Variants in FAM184B observed in about 807,000 individuals in gnomAD.
FAM184B encodes the protein protein FAM184B.
FAM184B carries 111 observed loss-of-function variants against 135.9 expected under a neutral mutation model. The ratio of observed to expected loss-of-function variants is 0.82; its 90% CI spans 0.70 to 0.96. The LOEUF (loss-of-function observed/expected upper bound fraction) is 0.96. FAM184B is among the 40% of genes least tolerant of loss of function. FAM184B has a pLI of 0.00. For missense variants in FAM184B, 1,375 were observed against 1,323.9 expected (o/e 1.04, Z -0.60); for synonymous variants, 552 against 524.8 (o/e 1.05, Z -0.71).
intron 1 of FAM184B, among the ~76,000 whole-genome samples, chr4:17,714,885 C>T (rs945793701): frequency 2.0e-5 from 3 of 152,052 alleles, no homozygotes; most frequent in African/African-American, 4.8e-5. Flanking sequence ...CAACCAAAGT[C>T]CCCAAATCCA....
At chr4:17,733,702 A>G (rs1244392125) in intron 1 of FAM184B, among the ~76,000 whole-genome samples, 1 of 152,198 alleles carries the variant, frequency 6.6e-6, no homozygotes, top group African/African-American at 2.4e-5. Context: ...ATGGAAGAAC[A>G]TTCCATGCTC....
At chr4:17,639,463 T>C (rs1298105627) in intron 13 of FAM184B, 67 bp from the exon 14 acceptor site, 4 of 1,521,744 alleles carry the variant, frequency 2.6e-6, no homozygotes, top group Non-Finnish European at 3.5e-6. Flanking sequence ...GGCTCTGGGG[T>C]TTATTTCCCT....
intron 6 of FAM184B, among the ~76,000 whole-genome samples, chr4:17,693,067 C>T (rs912524865): frequency 1.3e-5 from 2 of 152,012 alleles, no homozygotes; most frequent in Admixed American, 1.3e-4. Flanking sequence ...GCCACAGAAC[C>T]AACACCAGCG....
chr4:17,639,876 T>C (rs930978839), intron 13 of FAM184B, among the ~76,000 whole-genome samples: 7 of 150,936 alleles, frequency 4.6e-5, no homozygotes, highest in Admixed American at 6.6e-5. Flanking sequence ...TTGCTCAGGG[T>C]GGAGTGCAAT....
chr4:17,642,611 CA>C (rs1404522653), intron 12 of FAM184B, among the ~76,000 whole-genome samples: 7 of 152,214 alleles, frequency 4.6e-5, no homozygotes, highest in East Asian at 1.9e-4. Context: ...CCCTACCTCT[CA>C]GGGGGAACTG....
At chr4:17,648,148 C>T (rs966910788) in intron 11 of FAM184B, among the ~76,000 whole-genome samples, 3 of 151,984 alleles carry the variant, frequency 2.0e-5, no homozygotes, top group East Asian at 1.9e-4. Context: ...CTCTGAACCC[C>T]GTGCTTGCCC....
chr4:17,732,321 G>T (rs1186242628), intron 1 of FAM184B, among the ~76,000 whole-genome samples: 1 of 152,132 alleles, frequency 6.6e-6, no homozygotes, highest in African/African-American at 2.4e-5. Flanking sequence ...CAGAAGGCAA[G>T]AAATAACTAA....
intron 14 of FAM184B, among the ~76,000 whole-genome samples, chr4:17,638,134 C>CTTTTTTTTTTTTTTTTTTTTT (rs56926847): frequency 1.1e-4 from 8 of 73,418 alleles, no homozygotes; most frequent in African/African-American, 3.2e-4. Flanking sequence ...TAACTGTTTG[C>CTTTTTTTTTTTTTTTTTTTTT]TTTTTTTTTT....
intron 16 of FAM184B, 62 bp from the exon 17 acceptor site, chr4:17,633,950 G>A: frequency 7.9e-7 from 1 of 1,268,100 alleles, no homozygotes; most frequent in Non-Finnish European, 1.0e-6. Flanking sequence ...AAGCATTATT[G>A]TAAAAGCAAA....
Position 17,709,551 on chromosome 4 carries a change from C to T in FAM184B, c.235G>A (p.Ala79Thr). ...TGCAGGAGCCTGGCCTTGGTCTCTG[C>T]CACCGCATTCTGGAGCTCCTCCTGG... ...AHQEELQNAV[A>T]ETKARLLQEQ... The change falls in exon 2 of 18, where the codon GCA (alanine) becomes ACA (threonine). Residue 79 changes from alanine to threonine, a missense_variant. Transcript: ENST00000265018. The T allele has an allele frequency of 6.4e-7, 1 of 1,550,782 alleles. No individual in the cohort carries two copies. The highest frequency in any genetic ancestry group is 8.7e-7 in the Non-Finnish European group (1 of 1,146,946).
In FAM184B at chr4:17,709,503, C is replaced by G. The variant is rs1177299555; in HGVS notation, c.283G>C (p.Glu95Gln). Reference protein sequence around the residue: ...LLQEQGCAEEEALLQRIQALE... With the variant: ...LLQEQGCAEEQALLQRIQALE... Reference sequence around the variant, plus strand: ...GCCTGGATGCGCTGTAGAAGGGCTTCCTCCTCTGCGCAGCCCTGTTCCTGC... The same window carrying G: ...GCCTGGATGCGCTGTAGAAGGGCTTGCTCCTCTGCGCAGCCCTGTTCCTGC... Residue 95 changes from glutamate to glutamine, a missense_variant, in exon 2 of 18, where the codon GAA becomes CAA. Transcript: ENST00000265018. 6.4e-7 allele frequency: 1 copy of G among 1,550,710 alleles called. No homozygotes were observed. Among genetic ancestry groups the G allele is most frequent in the South Asian group, 1.2e-5 (1 of 83,986 alleles).
intron 11 of FAM184B, among the ~76,000 whole-genome samples, chr4:17,651,914 T>C (rs1394374315): frequency 1.3e-5 from 2 of 152,086 alleles, no homozygotes; most frequent in Non-Finnish European, 2.9e-5. Flanking sequence ...CTGGGGATGA[T>C]GTGGGGGCAG....
At chr4:17,743,719 G>A (rs962761082) in intron 1 of FAM184B, among the ~76,000 whole-genome samples, 3 of 152,212 alleles carry the variant, frequency 2.0e-5, no homozygotes, top group Admixed American at 6.5e-5. Context: ...TAGAGTCTGC[G>A]TAGGGCAGTA....
chr4:17,779,985 A>G (rs1181709296), intron 1 of FAM184B, among the ~76,000 whole-genome samples: 2 of 152,212 alleles, frequency 1.3e-5, no homozygotes, highest in Non-Finnish European at 2.9e-5. Context: ...CCAGCTATAC[A>G]TGTCAAGAAC....
At position 17,658,411 on chromosome 4, in the gene FAM184B, A is replaced by G. The variant is rs554685912; in HGVS notation, c.1976T>C (p.Leu659Pro). 3.9e-6 allele frequency: 6 copies of G among 1,551,538 alleles called. No homozygotes were observed. In the African/African-American group the frequency reaches 8.2e-5, roughly 21 times the overall value. ...CAGGGCTCTCTGGTGGGAAGCCTCG[A>G]GCTGGGCTTTCATGGCGTGGTTCTG... is the stretch of plus-strand genomic sequence containing the variant. ...TQQNHAMKAQ[L>P]EASHQRALRM... Residue 659 changes from leucine (L) to proline (P), a missense_variant, in exon 10 of 18, where the codon CTC becomes CCC. Transcript: ENST00000265018.
intron 5 of FAM184B, among the ~76,000 whole-genome samples, chr4:17,693,960 A>T (rs1222851108): frequency 2.0e-5 from 3 of 152,114 alleles, no homozygotes; most frequent in Non-Finnish European, 4.4e-5. Flanking sequence ...TTAAAAACAA[A>T]TACATAAATA....
At chr4:17,764,628 C>T (rs887619697) in intron 1 of FAM184B, among the ~76,000 whole-genome samples, 1 of 152,174 alleles carries the variant, frequency 6.6e-6, no homozygotes, top group African/African-American at 2.4e-5. Context: ...AAAAGTCCAA[C>T]TCATTTTATT....
At chr4:17,775,440 C>T (rs1718907648) in intron 1 of FAM184B, among the ~76,000 whole-genome samples, 1 of 152,196 alleles carries the variant, frequency 6.6e-6, no homozygotes, top group South Asian at 2.1e-4. Flanking sequence ...CCGCCTCGGC[C>T]TCCCAAACTG....
At chr4:17,725,562 C>T (rs907995808) in intron 1 of FAM184B, among the ~76,000 whole-genome samples, 1 of 152,130 alleles carries the variant, frequency 6.6e-6, no homozygotes, top group East Asian at 1.9e-4. Context: ...ACGCACACTC[C>T]TATTAGCACA....
Sources: allele counts gnomAD v4.1 joint callset (sites outside exome capture counted in the v4.1 genomes callset), GRCh38; gene constraint gnomAD v4.1.1; transcripts MANE v1.5; gene names NCBI Gene and HGNC (gene_info 2026-07-23, HGNC 2026-07-21).